Variants in PLB1 observed in about 807,000 individuals in gnomAD.
PLB1 encodes the protein phospholipase B1, also known as phospholipase B1, membrane-associated.
A neutral mutation model predicts 227.4 loss-of-function variants in PLB1; 242 were observed. That is an observed-to-expected ratio of 1.06 (90% CI 0.96 to 1.18). PLB1 has a LOEUF of 1.18. Among genes scored for constraint, PLB1 ranks in the 50% most tolerant of loss-of-function variants. The pLI is 0.00. For synonymous variants in PLB1, 757 were observed against 682.2 expected (o/e 1.11, Z -1.71); for missense variants, 1,858 against 1,816.3 (o/e 1.02, Z -0.42).
At position 28,603,947 on chromosome 2, in the gene PLB1, C is replaced by CCT. The variant is rs779752507; in HGVS notation, c.2775-17_2775-16dup. On this transcript the variant is annotated intron_variant, in intron 39 of 57. Coordinates refer to ENST00000327757, the MANE Select transcript of PLB1 (RefSeq NM_153021.5). ...GAAGCCTGAGCTCTGGGGCCTCCTG[C>CCT]CTCCCCCTCTTTGTGCAGCGTTTTG... is the stretch of plus-strand genomic sequence containing the variant. 6.2e-7 allele frequency: 1 copy of CCT among 1,611,712 alleles called. No homozygotes were observed. The highest frequency in any genetic ancestry group is 2.2e-5 in the East Asian group (1 of 44,860).
intron 14 of PLB1, 27 bp from the exon 15 acceptor site, chr2:28,548,832 CT>C: frequency 6.2e-7 from 1 of 1,612,980 alleles, no homozygotes; most frequent in Non-Finnish European, 8.5e-7. Context: ...CAAAACTTCC[CT>C]GTTCTAAAGC....
chr2:28,539,426 T>C (rs993450671), intron 11 of PLB1, among the ~76,000 whole-genome samples: 3 of 152,226 alleles, frequency 2.0e-5, no homozygotes, highest in Non-Finnish European at 4.4e-5. Flanking sequence ...TTCTGGTTGA[T>C]GTTGTGCCAG....
chr2:28,631,145 C>T (rs1553465513), intron 54 of PLB1, among the ~76,000 whole-genome samples: 1 of 138,820 alleles, frequency 7.2e-6, no homozygotes, highest in Non-Finnish European at 1.5e-5. Context: ...AGCGTGAGAC[C>T]CTATCTCAAA....
rs73924323 is a variant in PLB1, at chr2:28,632,116, A to C, written c.3978A>C (p.Gln1326His). 1,758 of 1,613,922 alleles carry C rather than the reference A, an allele frequency of 1.1e-3. 28 individuals are homozygous for C. The African/African-American group carries it at 0.021, about 20-fold the overall frequency. ...DFAVVVQPFFQNTLTPLNERG... is the reference protein window; with the variant it reads ...DFAVVVQPFFHNTLTPLNERG... ...CGGTTGTGGTGCAGCCTTTCTTCCA[A>C]AACACACTCACCCCACTGAACGAGG... The change falls in exon 55 of 58, where the codon CAA (glutamine) becomes CAC (histidine). Residue 1326 changes from glutamine (Q) to histidine (H), a missense_variant. By Grantham distance (24) the Gln-to-His change is conservative. Coordinates refer to ENST00000327757, the MANE Select transcript of PLB1 (RefSeq NM_153021.5).
At chr2:28,505,403 C>G (rs145792080) in intron 1 of PLB1, among the ~76,000 whole-genome samples, 1 of 152,348 alleles carries the variant, frequency 6.6e-6, no homozygotes, top group East Asian at 1.9e-4. Context: ...ATATCATTAA[C>G]TCAACTGCAG....
intron 41 of PLB1, 81 bp from the exon 42 acceptor site, chr2:28,605,772 G>A (rs1684584199): frequency 2.7e-6 from 3 of 1,112,702 alleles, no homozygotes; most frequent in African/African-American, 3.1e-5. Flanking sequence ...GTGTTGAGTG[G>A]TCAGTCCCAG....
chr2:28,641,056 TC>T, intron 57 of PLB1, 55 bp downstream of exon 57: 1 of 1,540,300 alleles, frequency 6.5e-7, no homozygotes, highest in Non-Finnish European at 8.9e-7. Context: ...GTGGGGGTTG[TC>T]CTGTCCCCTG....
intron 17 of PLB1, among the ~76,000 whole-genome samples, chr2:28,559,483 G>A (rs962567290): frequency 6.6e-6 from 1 of 152,214 alleles, no homozygotes; most frequent in Admixed American, 6.5e-5. Context: ...TTTCCAATGA[G>A]AGCAAATCCT....
intron 17 of PLB1, among the ~76,000 whole-genome samples, chr2:28,557,420 A>T (rs930771387): frequency 6.6e-6 from 1 of 152,182 alleles, no homozygotes; most frequent in Non-Finnish European, 1.5e-5. Flanking sequence ...TCAGACGGCA[A>T]ATAGGTTGGG....
chr2:28,602,942 C>G (rs1684134534), intron 39 of PLB1, 21 bp downstream of exon 39: 1 of 1,602,230 alleles, frequency 6.2e-7, no homozygotes, highest in Non-Finnish European at 8.6e-7. Flanking sequence ...CCTGGCTGTC[C>G]CCACACTGGA....
rs773533835 is a variant in PLB1, at chr2:28,629,120, G to A, written c.3753G>A (p.Val1251=). Residue 1251 remains valine, a synonymous_variant, in exon 53 of 58, where the codon GTG becomes GTA. Transcript: ENST00000327757. The stretch of plus-strand genomic sequence containing the variant: ...TCCCAAGGGCTTTCGTCAACGTGGT[G>A]GAGGTCATGGAGCTGGCTAGCCTGT... The part of the protein sequence containing the change: ...EELPRAFVNV[V]EVMELASLYQ... The A allele has an allele frequency of 8.7e-6, 14 of 1,613,942 alleles. No individual in the cohort carries two copies. Among genetic ancestry groups the A allele is most frequent in the Non-Finnish European group, 1.1e-5 (13 of 1,179,920 alleles).
chr2:28,566,799 C>T lies in PLB1; in HGVS notation c.1284C>T (p.Val428=), dbSNP rs2148244615. 1.2e-6 allele frequency: 2 copies of T among 1,614,144 alleles called. No homozygotes were observed. The highest frequency in any genetic ancestry group is 3.3e-5 in the Admixed American group (2 of 60,026). Reference sequence around the variant, plus strand: ...CTTTCTTGGACCCACGTTACAGCGTCGGCGGAGATGAGAACATCGGCACCG... The same window carrying T: ...CTTTCTTGGACCCACGTTACAGCGTTGGCGGAGATGAGAACATCGGCACCG... The part of the protein sequence containing the change: ...LTQYRGLSWS[V]GGDENIGTVT... Residue 428 remains valine, a synonymous_variant, in exon 20 of 58, where the codon GTC becomes GTT. Coordinates refer to ENST00000327757, the MANE Select transcript of PLB1 (RefSeq NM_153021.5).
chr2:28,524,243 A>G (rs1161223467), intron 4 of PLB1, among the ~76,000 whole-genome samples: 1 of 150,112 alleles, frequency 6.7e-6, no homozygotes, highest in Non-Finnish European at 1.5e-5. Flanking sequence ...AGGAATTTTG[A>G]GAGAGAAAAT....
chr2:28,624,326 T>C lies in PLB1; in HGVS notation c.3528-731T>C, dbSNP rs375813905. 1.2e-4 allele frequency among the ~76,000 whole-genome samples: 18 copies of C among 152,334 alleles called. No individual in the cohort carries two copies. The East Asian group carries it at 2.5e-3, about 21-fold the overall frequency. On this transcript the variant is annotated intron_variant, in intron 49 of 57. Coordinates refer to ENST00000327757, the MANE Select transcript of PLB1 (RefSeq NM_153021.5). The stretch of plus-strand genomic sequence containing the variant: ...AAATGGGATCAAAGAGTATATACTT[T>C]TTATCTGACTTATTTAGCAAAATGA...
intron 26 of PLB1, among the ~76,000 whole-genome samples, chr2:28,588,683 G>A (rs867169371): frequency 1.3e-5 from 2 of 152,064 alleles, no homozygotes; most frequent in Non-Finnish European, 2.9e-5. Context: ...AGCTGTGAGG[G>A]TTACACAGAT....
chr2:28,608,159 C>A (rs745649472), intron 43 of PLB1, among the ~76,000 whole-genome samples: 3 of 152,218 alleles, frequency 2.0e-5, no homozygotes, highest in Non-Finnish European at 2.9e-5. Context: ...CCTCGTGGAA[C>A]CAGTAGAAGC....
At chr2:28,581,029 C>A (rs539977947) in intron 23 of PLB1, among the ~76,000 whole-genome samples, 6 of 151,758 alleles carry the variant, frequency 4.0e-5, no homozygotes, top group Non-Finnish European at 7.4e-5. Flanking sequence ...GCTGGTAGCC[C>A]GTGGGGAGGT....
At chr2:28,517,360 T>TG (rs5830078) in intron 2 of PLB1, among the ~76,000 whole-genome samples, 13,895 of 152,198 alleles carry the variant, frequency 0.091, 752 homozygotes, top group East Asian at 0.22. Context: ...TCTCAATTTT[T>TG]GGGGGAAAAG....
chr2:28,524,692 A>G (rs1445386966), intron 4 of PLB1, among the ~76,000 whole-genome samples: 3 of 152,022 alleles, frequency 2.0e-5, no homozygotes, highest in Non-Finnish European at 2.9e-5. Flanking sequence ...AAAGTTAATG[A>G]CTTTAGGGGG....
Sources: allele counts gnomAD v4.1 joint callset (sites outside exome capture counted in the v4.1 genomes callset), GRCh38; gene constraint gnomAD v4.1.1; transcripts MANE v1.5; gene names NCBI Gene and HGNC (gene_info 2026-07-23, HGNC 2026-07-21).